DPYD: variants seen among roughly 807,000 people sequenced by gnomAD.
The protein encoded by DPYD is dihydropyrimidine dehydrogenase, also known as dihydropyrimidine dehydrogenase [NADP(+)].
A neutral mutation model predicts 116.2 loss-of-function variants in DPYD; 109 were observed. The ratio of observed to expected loss-of-function variants is 0.94; its 90% CI spans 0.80 to 1.10. The LOEUF (loss-of-function observed/expected upper bound fraction) is 1.10. DPYD is among the 50% of genes least tolerant of loss of function. The pLI is 0.00. For synonymous variants in DPYD, 440 were observed against 432.0 expected (o/e 1.02, Z -0.23); for missense variants, 1,302 against 1,254.5 (o/e 1.04, Z -0.57).
intron 16 of DPYD, among the ~76,000 whole-genome samples, chr1:97,352,752 GT>G (rs1276019384): frequency 6.6e-6 from 1 of 152,072 alleles, no homozygotes; most frequent in Non-Finnish European, 1.5e-5. Flanking sequence ...CGTGTTTGGG[GT>G]TCTTGGAACC....
At chr1:97,239,586 GT>G (rs1341670922) in intron 18 of DPYD, among the ~76,000 whole-genome samples, 1 of 151,988 alleles carries the variant, frequency 6.6e-6, no homozygotes, top group Admixed American at 6.6e-5. Flanking sequence ...TTTGAATCCA[GT>G]TATTCATTCT....
At chr1:97,324,883 T>C (rs747363768) in intron 16 of DPYD, among the ~76,000 whole-genome samples, 3 of 152,070 alleles carry the variant, frequency 2.0e-5, no homozygotes, top group Non-Finnish European at 4.4e-5. Context: ...ATATAGTCCA[T>C]AAGGGAAAAT....
intron 14 of DPYD, 124 bp downstream of exon 14, chr1:97,449,935 G>T: frequency 1.6e-6 from 2 of 1,272,870 alleles, no homozygotes; most frequent in Non-Finnish European, 2.2e-6. Context: ...CATCAGCAAA[G>T]CAACTGGCAG....
At chr1:97,222,038 G>T (rs1660813428) in intron 19 of DPYD, among the ~76,000 whole-genome samples, 1 of 151,936 alleles carries the variant, frequency 6.6e-6, no homozygotes, top group Non-Finnish European at 1.5e-5. Context: ...AGAAATAGAG[G>T]AAAGGAACAA....
intron 4 of DPYD, among the ~76,000 whole-genome samples, chr1:97,733,819 G>A (rs1171215594): frequency 6.6e-6 from 1 of 151,906 alleles, no homozygotes; most frequent in Non-Finnish European, 1.5e-5. Context: ...TAACACAGGG[G>A]TTTACTTTTC....
intron 14 of DPYD, among the ~76,000 whole-genome samples, chr1:97,412,349 A>C (rs903924907): frequency 6.6e-6 from 1 of 152,132 alleles, no homozygotes; most frequent in South Asian, 2.1e-4. Flanking sequence ...CAAATGCCCA[A>C]ATGTTGATAT....
intron 18 of DPYD, among the ~76,000 whole-genome samples, chr1:97,245,824 G>A (rs934870178): frequency 6.6e-6 from 1 of 152,054 alleles, no homozygotes; most frequent in Non-Finnish European, 1.5e-5. Flanking sequence ...TACTCTGTGG[G>A]TGGTTCTATG....
chr1:97,417,941 C>A (rs1464294204), intron 14 of DPYD, among the ~76,000 whole-genome samples: 1 of 152,176 alleles, frequency 6.6e-6, no homozygotes, highest in Non-Finnish European at 1.5e-5. Context: ...ATCCATAAAT[C>A]CACCCTTTCT....
intron 14 of DPYD, among the ~76,000 whole-genome samples, chr1:97,440,788 C>G (rs1040996318): frequency 6.6e-6 from 1 of 152,242 alleles, no homozygotes. Flanking sequence ...CATGTAGTTA[C>G]AATTCTGGTG....
chr1:97,551,175 T>C lies in DPYD; in HGVS notation c.1340-1431A>G, dbSNP rs928585902. On this transcript the variant is annotated intron_variant, in intron 11 of 22. Transcript: ENST00000370192. ...TTATTTTAAAATCTTCTACTGTTTC[T>C]ATTTGTTTTTTCGTCTTTCATTGAG... is the stretch of plus-strand genomic sequence containing the variant. Among the ~76,000 whole-genome samples the C allele has an allele frequency of 5.1e-4, 77 of 152,208 alleles. 3 individuals carry two copies. Among genetic ancestry groups the C allele is most frequent in the Non-Finnish European group, 2.9e-5 (2 of 68,020 alleles).
chr1:97,302,850 C>T (rs1364815015), intron 18 of DPYD, among the ~76,000 whole-genome samples: 5 of 152,010 alleles, frequency 3.3e-5, no homozygotes, highest in Non-Finnish European at 7.4e-5. Flanking sequence ...GTTCACTAAA[C>T]TTGATTGCAT....
chr1:97,439,931 G>A (rs943428838), intron 14 of DPYD, among the ~76,000 whole-genome samples: 6 of 151,606 alleles, frequency 4.0e-5, no homozygotes, highest in East Asian at 1.9e-4. Flanking sequence ...TTCAGTTCAA[G>A]GTACTTTCTA....
intron 12 of DPYD, among the ~76,000 whole-genome samples, chr1:97,542,564 C>T (rs921551908): frequency 1.3e-5 from 2 of 152,092 alleles, no homozygotes; most frequent in Admixed American, 1.3e-4. Context: ...GATGTCCTTG[C>T]TGATTCCACA....
intron 12 of DPYD, among the ~76,000 whole-genome samples, chr1:97,534,553 C>T (rs1649856629): frequency 6.6e-6 from 1 of 152,078 alleles, no homozygotes; most frequent in Admixed American, 6.6e-5. Context: ...AAAGGCATTA[C>T]ATTTTTTTCT....
At chr1:97,789,489 T>C (rs1183615311) in intron 3 of DPYD, among the ~76,000 whole-genome samples, 3 of 152,232 alleles carry the variant, frequency 2.0e-5, no homozygotes, top group African/African-American at 7.2e-5. Flanking sequence ...AAACCCTGCA[T>C]GGTGAATTCT....
At chr1:97,135,923 A>G (rs1161410305) in intron 20 of DPYD, among the ~76,000 whole-genome samples, 1 of 152,170 alleles carries the variant, frequency 6.6e-6, no homozygotes, top group East Asian at 1.9e-4. Context: ...GACTATGGCC[A>G]TTTTCTGCAT....
chr1:97,249,106 C>A (rs866946789), intron 18 of DPYD, among the ~76,000 whole-genome samples: 1 of 152,122 alleles, frequency 6.6e-6, no homozygotes, highest in African/African-American at 2.4e-5. Context: ...TGATTCTTAA[C>A]ATTATTTAAA....
intron 20 of DPYD, among the ~76,000 whole-genome samples, chr1:97,151,593 T>G (rs1557895447): frequency 6.6e-6 from 1 of 152,042 alleles, no homozygotes; most frequent in African/African-American, 2.4e-5. Context: ...GACAATCGAT[T>G]GAACCTGGGA....
chr1:97,113,308 C>T (rs1016604800), intron 20 of DPYD, among the ~76,000 whole-genome samples: 3 of 152,120 alleles, frequency 2.0e-5, no homozygotes, highest in Non-Finnish European at 2.9e-5. Context: ...CCTTGTGTTA[C>T]TGCTTCTTTC....
Sources: gnomAD v4.1 joint callset for allele counts (sites outside exome capture counted in the v4.1 genomes callset) on GRCh38, gnomAD v4.1.1 for gene constraint, MANE v1.5 for transcripts, NCBI Gene and HGNC (gene_info 2026-07-23, HGNC 2026-07-21) for gene names.